Variants in GAREM2 observed in about 807,000 individuals in gnomAD.
The protein encoded by GAREM2 is GRB2-associated and regulator of MAPK protein 2.
Under a neutral mutation model 55.6 loss-of-function variants are expected in GAREM2, and 30 were observed. The observed-to-expected ratio is 0.54, with a 90% CI of 0.40 to 0.73. GAREM2 has a LOEUF of 0.73. Ranked by LOEUF, GAREM2 falls within the 30% of genes least tolerant of loss-of-function variation. The pLI, the probability that GAREM2 is intolerant of heterozygous loss-of-function variation, is 0.00. For missense variants in GAREM2, 1,075 were observed against 1,257.7 expected, an observed-to-expected ratio of 0.85 and a Z score of 2.20; for synonymous variants, 550 against 569.1, an observed-to-expected ratio of 0.97 and a Z score of 0.48.
At chr2:26,196,817 A>G in the GAREM2 span, among the ~76,000 whole-genome samples, 1 of 152,146 alleles carries the variant, frequency 6.6e-6, no homozygotes, top group Non-Finnish European at 1.5e-5. Flanking sequence ...TGCCACACAG[A>G]TGTCTTGAGT....
At chr2:26,181,289 C>T (rs544042239) in intron 2 of GAREM2, 90 of 242,958 alleles carry the variant, frequency 3.7e-4, no homozygotes, top group African/African-American at 1.7e-3. Context: ...CCTGCAGGCA[C>T]GCACCATCTG....
Position 26,179,018 on chromosome 2 carries a change from G to A in GAREM2, c.253+2534G>A, listed in dbSNP as rs566987757. 6.6e-6 allele frequency among the ~76,000 whole-genome samples: 1 copy of A among 150,986 alleles called. No homozygotes were observed. The highest frequency in any genetic ancestry group is 1.5e-5 in the Non-Finnish European group (1 of 67,654). On this transcript the variant is annotated intron_variant, in intron 2 of 5. Transcript: ENST00000401533. The surrounding 1 kb of genome is among the most constrained non-coding windows in gnomAD (Gnocchi z 4.7). ...AATTAATAATGGCGCTCGGGCGGGCGGGGGTGGCCGGCTGCGGACCGCGGA... is the reference window on the plus strand; with the variant it reads ...AATTAATAATGGCGCTCGGGCGGGCAGGGGTGGCCGGCTGCGGACCGCGGA...
Position 26,186,113 on chromosome 2 carries a change from C to T in GAREM2, c.1429-76C>T, listed in dbSNP as rs142467198. ...GTCAGGCCCAGACAGCCCCCTCGCC[C>T]AGCTGCTTGGGAAGGGGAAGATAAG... is the stretch of plus-strand genomic sequence containing the variant. On this transcript the variant is annotated intron_variant, in intron 4 of 5. Transcript: ENST00000401533. 2.1e-4 allele frequency: 296 copies of T among 1,378,578 alleles called. 1 individual carries two copies. In the East Asian group the frequency reaches 6.9e-3, roughly 32 times the overall value. The allele number at this position is 1,378,578 out of a possible 1,614,324, so 85.4% of individuals were successfully genotyped here. A position where few individuals can be genotyped will look rare whatever the true frequency, so the allele number is the denominator to read the frequency against.
chr2:26,185,301 G>C lies in GAREM2; in HGVS notation c.1428+25G>C, dbSNP rs1316728321. On this transcript the variant is annotated intron_variant, in intron 4 of 5. Transcript: ENST00000401533. The stretch of plus-strand genomic sequence containing the variant: ...GGTGAGTGAGCGCGCTGGGGGCCGA[G>C]TCCCGGGTCCAGCCAGGGCCCAAAG... 4.0e-6 allele frequency: 6 copies of C among 1,487,058 alleles called. No individual in the cohort carries two copies. The East Asian group carries it at 1.1e-4, about 28-fold the overall frequency. The allele number at this position is 1,487,058 out of a possible 1,614,324, so 92.1% of individuals were successfully genotyped here.
In GAREM2 at chr2:26,188,378, C is replaced by A; in HGVS notation, c.*121C>A. 1.4e-6 allele frequency: 1 copy of A among 739,224 alleles called. No individual in the cohort carries two copies. Among genetic ancestry groups the A allele is most frequent in the East Asian group, 3.0e-5 (1 of 33,114 alleles). The allele number at this position is 739,224 out of a possible 1,614,324, so 45.8% of individuals were successfully genotyped here. On this transcript the variant is annotated 3_prime_UTR_variant, in exon 6 of 6. Coordinates refer to ENST00000401533, the MANE Select transcript of GAREM2 (RefSeq NM_001168241.2). ...GTCGAGACTGAGGCTGCTCAGCAGC[C>A]ACTGGGTGGATCCAGGGGAGATGCA...
chr2:26,194,615 G>A (rs1669609984), downstream of GAREM2: 1 of 1,611,518 alleles, frequency 6.2e-7, no homozygotes, highest in East Asian at 2.2e-5. Context: ...CAAGACACCT[G>A]GTAGTATAGA....
intron 1 of GAREM2, among the ~76,000 whole-genome samples, chr2:26,174,606 T>C (rs1407379733): frequency 6.6e-6 from 1 of 152,196 alleles, no homozygotes; most frequent in Non-Finnish European, 1.5e-5. Flanking sequence ...CCTTGCCCAA[T>C]AAAGATTATG....
the GAREM2 span, chr2:26,201,247 GC>G: frequency 6.2e-7 from 1 of 1,611,180 alleles, no homozygotes; most frequent in Non-Finnish European, 8.5e-7. Context: ...TAATCAAGCT[GC>G]CCAGTCAAGT....
chr2:26,201,127 A>C, the GAREM2 span: 1 of 1,582,820 alleles, frequency 6.3e-7, no homozygotes, highest in Non-Finnish European at 8.7e-7. Context: ...CTAGGATTCA[A>C]GTACAACAGC....
chr2:26,198,217 T>G, the GAREM2 span, among the ~76,000 whole-genome samples: 13 of 152,132 alleles, frequency 8.5e-5, no homozygotes, highest in Non-Finnish European at 1.8e-4. Flanking sequence ...CATGCTTGTC[T>G]CATTTTATAC....
downstream of GAREM2, among the ~76,000 whole-genome samples, chr2:26,190,360 T>A (rs1000272229): frequency 6.6e-6 from 1 of 151,832 alleles, no homozygotes; most frequent in Non-Finnish European, 1.5e-5. Context: ...GCACTGCTTC[T>A]GTAGGAACTT....
chr2:26,185,831 T>C (rs978379056), intron 4 of GAREM2, among the ~76,000 whole-genome samples: 1 of 152,238 alleles, frequency 6.6e-6, no homozygotes, highest in Non-Finnish European at 1.5e-5. Context: ...TCCTTCCCTC[T>C]GTCCCTTCGG....
At chr2:26,185,603 C>T (rs1184353501) in intron 4 of GAREM2, among the ~76,000 whole-genome samples, 7 of 152,126 alleles carry the variant, frequency 4.6e-5, no homozygotes, top group Non-Finnish European at 7.3e-5. Context: ...GGTTCCTTGG[C>T]GAAGTAAGCT....
the GAREM2 span, among the ~76,000 whole-genome samples, chr2:26,198,869 G>A: frequency 2.0e-4 from 30 of 151,728 alleles, 1 homozygote; most frequent in South Asian, 5.8e-3. Context: ...CGGCATCATA[G>A]TGAGACCCTA....
Position 26,186,200 on chromosome 2 carries a change from G to A in GAREM2, c.1440G>A (p.Glu480=). 6.6e-7 allele frequency: 1 copy of A among 1,519,104 alleles called. No homozygotes were observed. The highest frequency in any genetic ancestry group is 8.8e-7 in the Non-Finnish European group (1 of 1,130,988). 94.1% of individuals were successfully genotyped at this position (1,519,104 alleles called of 1,614,324 possible). ...CCCTCTGCTTGTAGGTGAAGGAGGA[G>A]TGCCGCCTGCTCAATGCCCCTCCAG... ...VPPKSEAVKE[E]CRLLNAPPVP... is the part of the protein sequence containing the mutation. The change falls in exon 5 of 6, where the codon GAG becomes GAA. Residue 480 remains glutamate, a synonymous_variant. Coordinates refer to ENST00000401533, the MANE Select transcript of GAREM2 (RefSeq NM_001168241.2).
In GAREM2 at chr2:26,184,800, C is replaced by T; in HGVS notation, c.952C>T (p.Leu318Phe). The T allele has an allele frequency of 6.7e-7, 1 of 1,494,236 alleles. No homozygotes were observed. The highest frequency in any genetic ancestry group is 8.9e-7 in the Non-Finnish European group (1 of 1,129,596). 92.6% of individuals were successfully genotyped at this position (1,494,236 alleles called of 1,614,324 possible). A position where few individuals can be genotyped will look rare whatever the true frequency, so the allele number is the denominator to read the frequency against. ...CCCGGCGCCGCTGCACTTCCTGCTG[C>T]TCACGGACACGCCGCGCTTCGCGCT... Reference protein sequence around the residue: ...EGPAPLHFLLLTDTPRFALPQ... With the variant: ...EGPAPLHFLLFTDTPRFALPQ... The change falls in exon 4 of 6, where the codon CTC becomes TTC. Residue 318 changes from leucine (L) to phenylalanine (F), a missense_variant. By Grantham distance (22) the Leu-to-Phe change is conservative (BLOSUM62 0). Coordinates refer to ENST00000401533, the MANE Select transcript of GAREM2 (RefSeq NM_001168241.2).
In GAREM2 at chr2:26,179,009, C is replaced by T. The variant is rs1434349104; in HGVS notation, c.253+2525C>T. On this transcript the variant is annotated intron_variant, in intron 2 of 5. Transcript: ENST00000401533. The surrounding 1 kb of genome is among the most constrained non-coding windows in gnomAD (Gnocchi z 4.7). ...CTCCTAATGAATTAATAATGGCGCT[C>T]GGGCGGGCGGGGGTGGCCGGCTGCG... Among the ~76,000 whole-genome samples the T allele has an allele frequency of 2.7e-5, 4 of 149,078 alleles. No homozygotes were observed. Among genetic ancestry groups the T allele is most frequent in the Non-Finnish European group, 6.0e-5 (4 of 67,126 alleles).
At chr2:26,180,952 G>A in intron 2 of GAREM2, 1 of 985,468 alleles carries the variant, frequency 1.0e-6, no homozygotes. Context: ...GGTGGCCTGA[G>A]TACATCATCC....
chr2:26,174,206 G>A (rs2147717131), intron 1 of GAREM2, among the ~76,000 whole-genome samples: 1 of 152,278 alleles, frequency 6.6e-6, no homozygotes, highest in East Asian at 1.9e-4. Context: ...CGTGGGGCCC[G>A]GCAGCCCCTC....
Sources: allele counts gnomAD v4.1 joint callset (sites outside exome capture counted in the v4.1 genomes callset), GRCh38; gene constraint gnomAD v4.1.1; non-coding constraint Gnocchi (gnomAD v3.1); transcripts MANE v1.5; gene names NCBI Gene and HGNC (gene_info 2026-07-23, HGNC 2026-07-21).